The following RECK variants were observed in gnomAD, a reference collection of about 807,000 sequenced individuals.
RECK encodes the protein reversion-inducing cysteine-rich protein with Kazal motifs.
A neutral mutation model predicts 115.1 loss-of-function variants in RECK; 69 were observed. The observed-to-expected ratio is 0.60, with a 90% confidence interval of 0.49 to 0.73. The LOEUF (loss-of-function observed/expected upper bound fraction) is 0.73, where lower values mean the gene tolerates loss of function less well. Among genes scored for constraint, RECK ranks in the 30% least tolerant of loss-of-function variants. RECK has a pLI of 0.00. For synonymous variants in RECK, 414 were observed against 419.7 expected (o/e 0.99, Z 0.17); for missense variants, 1,047 against 1,203.7 (o/e 0.87, Z 1.93).
chr9:36,093,727 A>T (rs1372904693), intron 10 of RECK, among the ~76,000 whole-genome samples: 1 of 152,238 alleles, frequency 6.6e-6, no homozygotes, highest in African/African-American at 2.4e-5. Flanking sequence ...GATCAAATAC[A>T]TTAACCCATT....
At chr9:36,095,529 A>G (rs564589836) in intron 10 of RECK, among the ~76,000 whole-genome samples, 47 of 152,324 alleles carry the variant, frequency 3.1e-4, no homozygotes, top group African/African-American at 1.1e-3. Flanking sequence ...CAAGGTAACT[A>G]TTGTCCTGTG....
At chr9:36,077,591 G>GTATT (rs200836820) in intron 6 of RECK, among the ~76,000 whole-genome samples, 3,867 of 152,218 alleles carry the variant, frequency 0.025, 170 homozygotes, top group African/African-American at 0.087. Flanking sequence ...AGGCAAGATG[G>GTATT]TATTAACACT....
intron 6 of RECK, among the ~76,000 whole-genome samples, chr9:36,076,464 A>T (rs2132613147): frequency 6.6e-6 from 1 of 152,132 alleles, no homozygotes; most frequent in South Asian, 2.1e-4. Flanking sequence ...CTCAACTTTG[A>T]TTTACTCTGT....
At chr9:36,054,459 AAAGTC>A (rs1821438207) in intron 2 of RECK, among the ~76,000 whole-genome samples, 1 of 151,764 alleles carries the variant, frequency 6.6e-6, no homozygotes, top group Non-Finnish European at 1.5e-5. Context: ...ATGCCAAAGA[AAAGTC>A]AAGGAGTTTG....
chr9:36,045,804 A>G (rs1231921928), intron 1 of RECK, among the ~76,000 whole-genome samples: 1 of 152,102 alleles, frequency 6.6e-6, no homozygotes, highest in East Asian at 1.9e-4. Flanking sequence ...TGGCTGGAGC[A>G]TGTGCTTCCT....
intron 16 of RECK, among the ~76,000 whole-genome samples, chr9:36,114,874 TA>T (rs1824199339): frequency 6.7e-6 from 1 of 148,710 alleles, no homozygotes; most frequent in African/African-American, 2.5e-5. Flanking sequence ...CAAAAAACAC[TA>T]AAAGAAAGAA....
intron 2 of RECK, among the ~76,000 whole-genome samples, chr9:36,057,639 T>G (rs1248907706): frequency 6.6e-6 from 1 of 152,018 alleles, no homozygotes; most frequent in African/African-American, 2.4e-5. Context: ...GGCAACATGG[T>G]GAAACCCTGT....
intron 10 of RECK, among the ~76,000 whole-genome samples, chr9:36,097,521 A>G (rs1823401542): frequency 1.3e-5 from 2 of 152,198 alleles, no homozygotes; most frequent in African/African-American, 4.8e-5. Context: ...AAAAAGATGG[A>G]AGATAACAAT....
intron 5 of RECK, among the ~76,000 whole-genome samples, chr9:36,065,228 TAAAAAAAAAA>T (rs561725701): frequency 0.068 from 3,436 of 50,562 alleles, 174 homozygotes; most frequent in African/African-American, 0.21. Flanking sequence ...GGAATTCAGC[TAAAAAAAAAA>T]AAAAAAAAAA....
chr9:36,087,811 C>T lies in RECK; in HGVS notation c.755C>T (p.Thr252Ile). 3 of 1,613,928 alleles carry T rather than the reference C, an allele frequency of 1.9e-6. No individual in the cohort carries two copies. Among genetic ancestry groups the T allele is most frequent in the Non-Finnish European group, 1.7e-6 (2 of 1,179,900 alleles). Reference sequence around the variant, plus strand: ...GATGGTCTCATCGAGGGTTGTAAGACCCAGCCCTTGCCTCAAGATCCTCTT... The same window carrying T: ...GATGGTCTCATCGAGGGTTGTAAGATCCAGCCCTTGCCTCAAGATCCTCTT... ...IVDGLIEGCKTQPLPQDPLWQ... is the reference protein window; with the variant it reads ...IVDGLIEGCKIQPLPQDPLWQ... The change falls in exon 9 of 21, where the codon ACC becomes ATC. Residue 252 changes from threonine (T) to isoleucine (I), a missense_variant. Thr to Ile is a moderately conservative substitution (Grantham distance 89). Coordinates refer to ENST00000377966, the MANE Select transcript of RECK (RefSeq NM_021111.3).
At chr9:36,120,632 G>A (rs370915489) in intron 18 of RECK, 31 bp from the exon 19 acceptor site, 1 of 1,515,890 alleles carries the variant, frequency 6.6e-7, no homozygotes, top group Non-Finnish European at 9.1e-7. Flanking sequence ...TTCTAATTCT[G>A]AACGCACATA....
intron 10 of RECK, among the ~76,000 whole-genome samples, chr9:36,097,551 A>G (rs569197467): frequency 5.9e-5 from 9 of 152,284 alleles, no homozygotes; most frequent in Admixed American, 6.5e-5. Context: ...GGATGTGGAG[A>G]AAAGGGAAGT....
intron 1 of RECK, among the ~76,000 whole-genome samples, chr9:36,051,861 C>T (rs1428063782): frequency 6.6e-6 from 1 of 152,186 alleles, no homozygotes; most frequent in Non-Finnish European, 1.5e-5. Flanking sequence ...CTCAGATTCA[C>T]ATGCTCAAAA....
chr9:36,065,436 T>C, intron 5 of RECK, 141 bp from the exon 6 acceptor site: 1 of 563,002 alleles, frequency 1.8e-6, no homozygotes, highest in Non-Finnish European at 2.8e-6. Context: ...TTTAGGAAAT[T>C]TAAAATATTT....
intron 7 of RECK, among the ~76,000 whole-genome samples, chr9:36,081,711 G>A (rs2132621932): frequency 6.6e-6 from 1 of 152,030 alleles, no homozygotes; most frequent in Middle Eastern, 3.4e-3. Context: ...GCACGTGCCT[G>A]TAATCCCAGC....
intron 1 of RECK, among the ~76,000 whole-genome samples, chr9:36,047,503 T>C (rs1821110259): frequency 1.3e-5 from 2 of 152,020 alleles, no homozygotes; most frequent in Admixed American, 6.5e-5. Flanking sequence ...CTATTAATAC[T>C]TGGGAGGCTG....
At chr9:36,037,385 C>T (rs918327620) in intron 1 of RECK, among the ~76,000 whole-genome samples, 6 of 151,822 alleles carry the variant, frequency 4.0e-5, no homozygotes, top group Non-Finnish European at 7.4e-5. Context: ...TCGCTTGCCT[C>T]TGCTGCTTGT....
At chr9:36,107,583 C>G (rs1208342064) in intron 13 of RECK, among the ~76,000 whole-genome samples, 1 of 128,216 alleles carries the variant, frequency 7.8e-6, no homozygotes, top group African/African-American at 3.0e-5. Context: ...CCAGCCTGGG[C>G]AACAGAGCAA....
chr9:36,103,061 G>T lies in RECK; in HGVS notation c.1435+831G>T, dbSNP rs760797458. Among the ~76,000 whole-genome samples, 4 of 152,272 alleles carry T rather than the reference G, an allele frequency of 2.6e-5. No homozygotes were observed. In the South Asian group the frequency reaches 8.3e-4, roughly 32 times the overall value. On this transcript the variant is annotated intron_variant, in intron 12 of 20. Transcript: ENST00000377966. ...TACTCCCGCCAAAAGCTAGAAGAGC[G>T]TGTTGCTATCTCATTGAGGGATCCT...
Sources: allele counts gnomAD v4.1 joint callset (sites outside exome capture counted in the v4.1 genomes callset), GRCh38; gene constraint gnomAD v4.1.1; transcripts MANE v1.5; gene names NCBI Gene and HGNC (gene_info 2026-07-23, HGNC 2026-07-21).